CNTN4: variants seen among roughly 807,000 people sequenced by gnomAD.
CNTN4 encodes contactin 4.
Under a neutral mutation model 122.5 loss-of-function variants are expected in CNTN4, and 77 were observed. The observed-to-expected ratio is 0.63, with a 90% CI of 0.52 to 0.76. The LOEUF is 0.76. Among genes scored for constraint, CNTN4 ranks in the 30% least tolerant of loss-of-function variants. The probability of loss-of-function intolerance (pLI) is 0.00; values close to 1 mark genes in which losing one functional copy is unlikely to be tolerated. For missense variants in CNTN4, 1,256 were observed against 1,259.1 expected, an observed-to-expected ratio of 1.00 and a Z score of 0.04; for synonymous variants, 512 against 447.0, an observed-to-expected ratio of 1.15 and a Z score of -1.83.
In CNTN4 at chr3:2,709,311, A is replaced by C. The variant is rs931679146; in HGVS notation, c.56-26904A>C. ...TATAATTAGTACAGTGTGATTCTCA[A>C]CCTTGGCTGCATATTAGAATCATCT... is the stretch of plus-strand genomic sequence containing the variant. On this transcript the variant is annotated intron_variant, in intron 4 of 24. Coordinates refer to ENST00000418658, the MANE Select transcript of CNTN4 (RefSeq NM_175607.3). This position sits in a 1 kb window ranked among gnomAD's most constrained non-coding sequence, Gnocchi z 5.0. Among the ~76,000 whole-genome samples, 1 of 152,174 alleles carries C rather than the reference A, an allele frequency of 6.6e-6. No individual in the cohort carries two copies. The highest frequency in any genetic ancestry group is 6.5e-5 in the Admixed American group (1 of 15,278).
chr3:2,603,450 C>G (rs770609595), intron 4 of CNTN4, among the ~76,000 whole-genome samples: 2 of 152,088 alleles, frequency 1.3e-5, no homozygotes, highest in Admixed American at 6.6e-5. Context: ...CAAATCTTTA[C>G]AGAAACAAAA....
At chr3:2,886,932 C>T in intron 9 of CNTN4, 108 bp from the exon 10 acceptor site, 2 of 885,646 alleles carry the variant, frequency 2.3e-6, no homozygotes, top group Non-Finnish European at 1.8e-6. Context: ...ATGAAGTTTG[C>T]AAAACACCCA....
intron 6 of CNTN4, among the ~76,000 whole-genome samples, chr3:2,750,976 C>G (rs371099515): frequency 9.2e-5 from 14 of 152,178 alleles, no homozygotes; most frequent in African/African-American, 3.4e-4. Flanking sequence ...ATAAGTGTTT[C>G]TATTGGTGTG....
intron 4 of CNTN4, among the ~76,000 whole-genome samples, chr3:2,591,982 A>G (rs1379849392): frequency 6.6e-6 from 1 of 152,138 alleles, no homozygotes; most frequent in Non-Finnish European, 1.5e-5. Flanking sequence ...GGCTCAAGGC[A>G]TCCCCCTCCC....
intron 3 of CNTN4, among the ~76,000 whole-genome samples, chr3:2,474,627 G>A (rs1416171459): frequency 2.0e-5 from 3 of 152,116 alleles, no homozygotes; most frequent in African/African-American, 7.2e-5. Context: ...GAAAAATAAG[G>A]CAGTCTCACA....
intron 12 of CNTN4, among the ~76,000 whole-genome samples, chr3:2,922,108 A>G (rs182063335): frequency 2.5e-4 from 38 of 152,336 alleles, no homozygotes; most frequent in African/African-American, 8.9e-4. Context: ...AATACAGCAA[A>G]TAAGGAGCTC....
rs926751350 is a variant in CNTN4, at chr3:2,893,021, C to T, written c.940+5797C>T. Among the ~76,000 whole-genome samples, 8 of 152,136 alleles carry T rather than the reference C, an allele frequency of 5.3e-5. No homozygotes were observed. The East Asian group carries it at 9.6e-4, about 18-fold the overall frequency. On this transcript the variant is annotated intron_variant, in intron 10 of 24. Coordinates refer to ENST00000418658, the MANE Select transcript of CNTN4 (RefSeq NM_175607.3). ...AGGTGAAAAAAATCCATCAATCATCCGGATACTCTTTCTTGCGTTTTCCAT... is the reference window on the plus strand; with the variant it reads ...AGGTGAAAAAAATCCATCAATCATCTGGATACTCTTTCTTGCGTTTTCCAT...
intron 13 of CNTN4, among the ~76,000 whole-genome samples, chr3:2,940,695 G>C (rs2094607435): frequency 6.6e-6 from 1 of 151,578 alleles, no homozygotes; most frequent in African/African-American, 2.4e-5. Flanking sequence ...GTTCTCTGTG[G>C]GTAGGAAGAG....
At chr3:2,439,092 A>G (rs149521979) in intron 3 of CNTN4, among the ~76,000 whole-genome samples, 1 of 152,344 alleles carries the variant, frequency 6.6e-6, no homozygotes, top group East Asian at 1.9e-4. Context: ...GATTACTTTA[A>G]GATGTCTGAA....
chr3:2,352,088 T>C (rs2044649366), intron 3 of CNTN4, among the ~76,000 whole-genome samples: 1 of 152,190 alleles, frequency 6.6e-6, no homozygotes, highest in South Asian at 2.1e-4. Context: ...ATTTATCAAT[T>C]CATACTAATA....
intron 2 of CNTN4, among the ~76,000 whole-genome samples, chr3:2,121,103 C>T (rs1317149916): frequency 6.8e-6 from 1 of 147,888 alleles, no homozygotes; most frequent in South Asian, 2.1e-4. Flanking sequence ...CTCCCTTCTT[C>T]CTTCCTTCTC....
intron 3 of CNTN4, among the ~76,000 whole-genome samples, chr3:2,343,645 C>A (rs1473098428): frequency 6.6e-6 from 1 of 152,200 alleles, no homozygotes; most frequent in Non-Finnish European, 1.5e-5. Context: ...TTCAATAAAC[C>A]TGTGCTTTCA....
rs148720832 is a variant in CNTN4 at position 2,336,075 on chromosome 3, A to C, written c.-144-3103A>C. Among the ~76,000 whole-genome samples, 568 of 152,250 alleles carry C rather than the reference A, an allele frequency of 3.7e-3. 4 individuals are homozygous for C. The highest frequency in any genetic ancestry group is 6.5e-3 in the Non-Finnish European group (444 of 68,018). On this transcript the variant is annotated intron_variant, in intron 2 of 24. Transcript: ENST00000418658. ...GAACAGTGATAAATATTTTGTGATG[A>C]GTGGTATGCTAAAGACATGTGCTGA... is the stretch of plus-strand genomic sequence containing the variant.
intron 2 of CNTN4, among the ~76,000 whole-genome samples, chr3:2,211,751 G>A (rs936862792): frequency 7.9e-5 from 12 of 152,002 alleles, no homozygotes; most frequent in African/African-American, 2.4e-4. Context: ...CAGCCGTGAC[G>A]TGACTCATGA....
chr3:2,621,248 G>T (rs1227625112), intron 4 of CNTN4, among the ~76,000 whole-genome samples: 2 of 152,154 alleles, frequency 1.3e-5, no homozygotes, highest in African/African-American at 4.8e-5. Context: ...GACTGAGTCT[G>T]CCTCAACACA....
intron 4 of CNTN4, among the ~76,000 whole-genome samples, chr3:2,667,614 T>G (rs980644987): frequency 1.3e-5 from 2 of 150,416 alleles, no homozygotes; most frequent in Non-Finnish European, 3.0e-5. Context: ...CATTTGTCAA[T>G]TTTGGCTTTT....
chr3:2,448,183 A>G (rs1218827020), intron 3 of CNTN4, among the ~76,000 whole-genome samples: 1 of 152,156 alleles, frequency 6.6e-6, no homozygotes, highest in Non-Finnish European at 1.5e-5. Context: ...CAGGCAGCGA[A>G]GCCTGGTGGG....
At chr3:2,570,947 G>T (rs941479211) in intron 3 of CNTN4, among the ~76,000 whole-genome samples, 4 of 152,142 alleles carry the variant, frequency 2.6e-5, no homozygotes, top group Non-Finnish European at 5.9e-5. Flanking sequence ...TTGAGTTAAT[G>T]GGGTAGTCAC....
chr3:2,160,684 CA>C (rs769324334), intron 2 of CNTN4, among the ~76,000 whole-genome samples: 7 of 152,038 alleles, frequency 4.6e-5, no homozygotes, highest in Non-Finnish European at 8.8e-5. Flanking sequence ...GTTTCCAAAC[CA>C]AAGAAAGGGT....
Sources: allele counts gnomAD v4.1 joint callset (sites outside exome capture counted in the v4.1 genomes callset), GRCh38; gene constraint gnomAD v4.1.1; non-coding constraint Gnocchi (gnomAD v3.1); transcripts MANE v1.5; gene names NCBI Gene and HGNC (gene_info 2026-07-23, HGNC 2026-07-21).